The following ARSG variants were observed in gnomAD, a reference collection of about 807,000 sequenced individuals.
ARSG encodes ASG.
In ARSG, 37 loss-of-function variants were observed where a neutral mutation model predicts 50.5. The observed-to-expected ratio is 0.73, with a 90% CI of 0.56 to 0.96. The LOEUF is 0.96. ARSG is among the 50% of genes least tolerant of loss of function. The probability of loss-of-function intolerance (pLI) is 0.00; values close to 1 mark genes in which losing one functional copy is unlikely to be tolerated. For missense variants in ARSG, 629 were observed against 675.3 expected, an observed-to-expected ratio of 0.93 and a Z score of 0.76; for synonymous variants, 225 against 254.6, an observed-to-expected ratio of 0.88 and a Z score of 1.11.
chr17:68,444,442 A>G, the ARSG span: 2 of 1,523,168 alleles, frequency 1.3e-6, no homozygotes, highest in Middle Eastern at 1.7e-4. Flanking sequence ...TTGGGAAAGA[A>G]GCACCAGGAC....
intron 10 of ARSG, among the ~76,000 whole-genome samples, chr17:68,397,507 G>C (rs1375997736): frequency 6.6e-6 from 1 of 152,112 alleles, no homozygotes; most frequent in Non-Finnish European, 1.5e-5. Context: ...TTTGGGTTTG[G>C]TCTTCTCTAG....
intron 1 of ARSG, among the ~76,000 whole-genome samples, chr17:68,299,541 T>A (rs1478850708): frequency 6.6e-6 from 1 of 152,086 alleles, no homozygotes; most frequent in African/African-American, 2.4e-5. Context: ...CAAGCCAGTT[T>A]ACCAGGAAAA....
In ARSG at chr17:68,279,241, C is replaced by T. The variant is rs148471524; in HGVS notation, c.-552+19815C>T. Reference sequence around the variant, plus strand: ...AAGCAAACATTGGCGGTGCATCCAGCACCTTCCACCGAGTAAGTGTTTGAG... The same window carrying T: ...AAGCAAACATTGGCGGTGCATCCAGTACCTTCCACCGAGTAAGTGTTTGAG... On this transcript the variant is annotated intron_variant, in intron 1 of 11. Transcript: ENST00000448504. 2.0e-3 allele frequency among the ~76,000 whole-genome samples: 307 copies of T among 152,212 alleles called. 1 individual carries two copies. Among genetic ancestry groups the T allele is most frequent in the South Asian group, 5.4e-3 (26 of 4,822 alleles).
intron 8 of ARSG, among the ~76,000 whole-genome samples, chr17:68,380,820 CT>C (rs1230166517): frequency 6.6e-6 from 1 of 152,148 alleles, no homozygotes; most frequent in African/African-American, 2.4e-5. Context: ...CGTTTCCCTG[CT>C]TCCTGGCTGA....
intron 2 of ARSG, among the ~76,000 whole-genome samples, chr17:68,340,270 A>G (rs1242221684): frequency 6.6e-6 from 1 of 151,826 alleles, no homozygotes; most frequent in Non-Finnish European, 1.5e-5. Flanking sequence ...CTTACAATCA[A>G]ATACACTAAT....
chr17:68,437,014 A>ATGTGTGTGTG, the ARSG span, among the ~76,000 whole-genome samples: 212 of 82,142 alleles, frequency 2.6e-3, no homozygotes, highest in African/African-American at 8.2e-3. Flanking sequence ...AAATATATAT[A>ATGTGTGTGTG]TATGTGTGTG....
the ARSG span, among the ~76,000 whole-genome samples, chr17:68,439,353 G>T: frequency 1.4e-4 from 22 of 152,128 alleles, no homozygotes; most frequent in Non-Finnish European, 2.6e-4. Flanking sequence ...GAAACATTAG[G>T]CTATGTGAAA....
chr17:68,338,716 C>T (rs1397239898), intron 2 of ARSG, among the ~76,000 whole-genome samples: 1 of 152,174 alleles, frequency 6.6e-6, no homozygotes, highest in Non-Finnish European at 1.5e-5. Flanking sequence ...AGGGCTCTCC[C>T]AGGAGGGGCA....
At chr17:68,363,103 A>G (rs1456900442) in intron 6 of ARSG, among the ~76,000 whole-genome samples, 1 of 152,302 alleles carries the variant, frequency 6.6e-6, no homozygotes, top group African/African-American at 2.4e-5. Context: ...GGTTGTTTGT[A>G]TCTTATTAAT....
In ARSG at chr17:68,271,660, A is replaced by G; in HGVS notation, c.-552+12234A>G. 1 of 1,609,154 alleles carries G rather than the reference A, an allele frequency of 6.2e-7. No individual in the cohort carries two copies. The highest frequency in any genetic ancestry group is 8.5e-7 in the Non-Finnish European group (1 of 1,176,076). ...CTCCTTCAGAGCCATGATTGCTTGAATAGGCAGGAGTGAAGAAGAAATAAT... is the reference window on the plus strand; with the variant it reads ...CTCCTTCAGAGCCATGATTGCTTGAGTAGGCAGGAGTGAAGAAGAAATAAT... On this transcript the variant is annotated intron_variant, in intron 1 of 11. Transcript: ENST00000448504. The surrounding 1 kb of genome is among the most constrained non-coding windows in gnomAD (Gnocchi z 5.3).
At chr17:68,324,357 A>G (rs930979091) in intron 2 of ARSG, among the ~76,000 whole-genome samples, 10 of 152,092 alleles carry the variant, frequency 6.6e-5, no homozygotes, top group African/African-American at 2.4e-4. Context: ...GATGTGAGTC[A>G]GGCTCTCGGG....
chr17:68,416,658 A>T (rs751352748), intron 11 of ARSG, among the ~76,000 whole-genome samples: 1 of 152,086 alleles, frequency 6.6e-6, no homozygotes, highest in African/African-American at 2.4e-5. Context: ...GGCTTTGTTC[A>T]TATTTTCTTA....
At chr17:68,336,733 AT>A (rs1225342213) in intron 2 of ARSG, among the ~76,000 whole-genome samples, 2 of 152,020 alleles carry the variant, frequency 1.3e-5, no homozygotes, top group Admixed American at 6.6e-5. Context: ...TGCATCTATA[AT>A]CTTAGGTACT....
At chr17:68,380,528 C>T (rs2080382886) in intron 8 of ARSG, among the ~76,000 whole-genome samples, 1 of 152,138 alleles carries the variant, frequency 6.6e-6, no homozygotes, top group South Asian at 2.1e-4. Flanking sequence ...CTTGGCCTCC[C>T]AAAGTGGTGG....
chr17:68,401,431 C>T lies in ARSG; in HGVS notation c.1284C>T (p.Tyr428=), dbSNP rs1412038521. ...GALQTVRLER[Y]KAFYITGGAR... ...TGCAGACTGTCCGCCTGGAGCGTTA[C>T]AAGGCCTTCTACATTACCGGTGAGT... The change falls in exon 11 of 12, where the codon TAC becomes TAT. Residue 428 remains tyrosine, a synonymous_variant. Coordinates refer to ENST00000621439, the MANE Select transcript of ARSG (RefSeq NM_001267727.2). The T allele has an allele frequency of 6.2e-7, 1 of 1,614,036 alleles. No homozygotes were observed. Among genetic ancestry groups the T allele is most frequent in the East Asian group, 2.2e-5 (1 of 44,884 alleles).
intron 4 of ARSG, among the ~76,000 whole-genome samples, chr17:68,349,437 A>G (rs926630184): frequency 6.6e-6 from 1 of 152,136 alleles, no homozygotes; most frequent in Non-Finnish European, 1.5e-5. Flanking sequence ...AATGTTTACT[A>G]TTTGGCTCTT....
chr17:68,442,529 C>A, the ARSG span, among the ~76,000 whole-genome samples: 1 of 151,484 alleles, frequency 6.6e-6, no homozygotes, highest in Non-Finnish European at 1.5e-5. Context: ...CCTGAAGCAA[C>A]CCTGTCCTCT....
intron 2 of ARSG, among the ~76,000 whole-genome samples, chr17:68,314,215 G>T (rs1169323306): frequency 6.6e-6 from 1 of 151,842 alleles, no homozygotes; most frequent in African/African-American, 2.4e-5. Context: ...TACCTCACAG[G>T]ATGTTGTGAG....
At chr17:68,295,095 C>T (rs2145329228) in intron 1 of ARSG, among the ~76,000 whole-genome samples, 2 of 150,934 alleles carry the variant, frequency 1.3e-5, no homozygotes, top group South Asian at 2.1e-4. Flanking sequence ...GGCTGCGACT[C>T]TTTCAACCTG....
Sources: gnomAD v4.1 joint callset for allele counts (sites outside exome capture counted in the v4.1 genomes callset) on GRCh38, gnomAD v4.1.1 for gene constraint, Gnocchi (gnomAD v3.1) non-coding constraint, MANE v1.5 for transcripts, NCBI Gene and HGNC (gene_info 2026-07-23, HGNC 2026-07-21) for gene names.